Variants in GAD2 observed in about 807,000 individuals in gnomAD.
GAD2 encodes the protein glutamate decarboxylase 2.
GAD2 carries 22 observed loss-of-function variants against 80.1 expected under a neutral mutation model. That is an observed-to-expected ratio of 0.27 (90% confidence interval 0.20 to 0.39). The LOEUF (loss-of-function observed/expected upper bound fraction) is 0.39, where lower values mean the gene tolerates loss of function less well. GAD2 is among the 10% of genes least tolerant of loss of function. The pLI is 1.00. For synonymous variants in GAD2, 274 were observed against 256.9 expected (o/e 1.07, Z -0.64); for missense variants, 624 against 738.4 (o/e 0.85, Z 1.80).
chr10:26,258,055 T>C (rs1844964754), intron 8 of GAD2, among the ~76,000 whole-genome samples: 1 of 152,226 alleles, frequency 6.6e-6, no homozygotes, highest in Non-Finnish European at 1.5e-5. Flanking sequence ...CATTCTGCCC[T>C]ATCTCAGGAA....
intron 9 of GAD2, 52 bp downstream of exon 9, chr10:26,269,225 CG>C (rs761214237): frequency 1.4e-6 from 2 of 1,428,864 alleles, no homozygotes; most frequent in Non-Finnish European, 1.9e-6. Context: ...TTCCATCCAC[CG>C]GAGAACAAAA....
At chr10:26,283,608 A>G (rs944468919) in intron 12 of GAD2, among the ~76,000 whole-genome samples, 4 of 152,220 alleles carry the variant, frequency 2.6e-5, no homozygotes, top group African/African-American at 9.6e-5. Flanking sequence ...CCTCTAGTTA[A>G]ACCACACCTG....
At chr10:26,219,424 A>G (rs1341721355) in intron 4 of GAD2, 148 bp downstream of exon 4, 5 of 584,816 alleles carry the variant, frequency 8.5e-6, no homozygotes, top group Non-Finnish European at 1.2e-5. Context: ...TCATTATTAG[A>G]ATGATTCTAA....
chr10:26,270,603 C>CT (rs1412904048), intron 9 of GAD2, 37 bp from the exon 10 acceptor site: 9 of 1,421,690 alleles, frequency 6.3e-6, no homozygotes, highest in Non-Finnish European at 8.0e-6. Flanking sequence ...ACCCTTGACT[C>CT]TGTTTTCCAT....
At chr10:26,228,000 A>G (rs1844551302) in intron 6 of GAD2, among the ~76,000 whole-genome samples, 1 of 152,206 alleles carries the variant, frequency 6.6e-6, no homozygotes, top group Non-Finnish European at 1.5e-5. Context: ...AGGGCTCAAG[A>G]GACAAAGGTC....
intron 8 of GAD2, among the ~76,000 whole-genome samples, chr10:26,257,590 T>G (rs184118015): frequency 6.6e-6 from 1 of 151,938 alleles, no homozygotes; most frequent in African/African-American, 2.4e-5. Context: ...CTAGCTCCCA[T>G]GTAACACAAG....
intron 15 of GAD2, among the ~76,000 whole-genome samples, chr10:26,296,578 G>A (rs1303987937): frequency 2.6e-5 from 4 of 152,206 alleles, no homozygotes; most frequent in African/African-American, 9.6e-5. Flanking sequence ...GGGGCACTAT[G>A]AGGATGTGAC....
Position 26,217,244 on chromosome 10 carries a change from G to A in GAD2, c.76+359G>A, listed in dbSNP as rs927183183. Among the ~76,000 whole-genome samples the A allele has an allele frequency of 9.2e-5, 14 of 152,120 alleles. 1 individual carries two copies. The highest frequency in any genetic ancestry group is 3.9e-4 in the Admixed American group (6 of 15,272). On this transcript the variant is annotated intron_variant, in intron 1 of 15. Coordinates refer to ENST00000376261, the MANE Select transcript of GAD2 (RefSeq NM_001134366.2). The surrounding 1 kb of genome is among the most constrained non-coding windows in gnomAD (Gnocchi z 4.9). ...CCGTGAAGATAGAAAAAAAAAATGGGAAAGGTGAGAGATTTCTTTATCTAG... is the reference window on the plus strand; with the variant it reads ...CCGTGAAGATAGAAAAAAAAAATGGAAAAGGTGAGAGATTTCTTTATCTAG...
intron 14 of GAD2, 144 bp from the exon 15 acceptor site, chr10:26,292,757 CA>C: frequency 2.3e-6 from 2 of 867,742 alleles, no homozygotes; most frequent in Non-Finnish European, 3.8e-6. Flanking sequence ...ATAACGTTGT[CA>C]AAATCATGCC....
rs1844575788 is a variant in GAD2 at position 26,229,777 on chromosome 10, T to C, written c.840T>C (p.His280=). 2 of 1,603,236 alleles carry C rather than the reference T, an allele frequency of 1.2e-6. No individual in the cohort carries two copies. The highest frequency in any genetic ancestry group is 2.2e-5 in the South Asian group (2 of 90,658). The change falls in exon 7 of 16, where the codon CAT becomes CAC. Residue 280 remains histidine (H), a splice_region_variant and synonymous_variant. Transcript: ENST00000376261. The part of the protein sequence containing the change: ...LPRLIAFTSE[H]SHFSLKKGAA... Reference sequence around the variant, plus strand: ...GGCTCATTGCCTTCACGTCTGAACATGTATGTGTTTCTTTTCCTTGCAAGT... The same window carrying C: ...GGCTCATTGCCTTCACGTCTGAACACGTATGTGTTTCTTTTCCTTGCAAGT...
intron 4 of GAD2, 100 bp from the exon 5 acceptor site, chr10:26,223,787 G>A: frequency 5.5e-6 from 4 of 731,774 alleles, no homozygotes; most frequent in Non-Finnish European, 9.5e-6. Flanking sequence ...TCCTGTTACT[G>A]ACAGATCTTT....
At chr10:26,253,408 A>G (rs1844904386) in intron 8 of GAD2, among the ~76,000 whole-genome samples, 1 of 152,218 alleles carries the variant, frequency 6.6e-6, no homozygotes. Context: ...TAGATTCATG[A>G]TGTGTAGCTG....
chr10:26,223,659 C>A (rs142609265), intron 4 of GAD2, among the ~76,000 whole-genome samples: 3 of 151,104 alleles, frequency 2.0e-5, no homozygotes, highest in Non-Finnish European at 4.4e-5. Context: ...CTAAAGTAGT[C>A]TTCGTGGTTA....
At chr10:26,235,717 CA>C (rs1368735618) in intron 7 of GAD2, among the ~76,000 whole-genome samples, 1 of 152,078 alleles carries the variant, frequency 6.6e-6, no homozygotes, top group African/African-American at 2.4e-5. Flanking sequence ...AAAGGCTTGG[CA>C]AAAATTAACT....
At chr10:26,255,014 C>G (rs1221420463) in intron 8 of GAD2, among the ~76,000 whole-genome samples, 1 of 152,136 alleles carries the variant, frequency 6.6e-6, no homozygotes. Flanking sequence ...TATGAGACAC[C>G]GAAGTGAGAG....
intron 7 of GAD2, among the ~76,000 whole-genome samples, chr10:26,243,591 T>C (rs1844769712): frequency 6.6e-6 from 1 of 152,168 alleles, no homozygotes; most frequent in African/African-American, 2.4e-5. Flanking sequence ...AGACACACAG[T>C]CCTACCCGGA....
chr10:26,303,458 G>GGAAGGGAC lies in GAD2; in HGVS notation c.*2498_*2499insAAGGGACG. 7.2e-6 allele frequency: 1 copy of GGAAGGGAC among 139,700 alleles called. No homozygotes were observed. The highest frequency in any genetic ancestry group is 2.7e-5 in the African/African-American group (1 of 37,660). The allele number at this position is 139,700 out of a possible 1,614,324, so 8.7% of individuals were successfully genotyped here. A position where few individuals can be genotyped will look rare whatever the true frequency, so the allele number is the denominator to read the frequency against. On this transcript the variant is annotated 3_prime_UTR_variant, in exon 16 of 16. Coordinates refer to ENST00000376261, the MANE Select transcript of GAD2 (RefSeq NM_001134366.2). ...AGTAAGGGAGGAAGGGAGGGAGGGA[G>GGAAGGGAC]GGAGGGAGGGAAGGAGGGAGGGAGG...
chr10:26,275,993 G>A (rs57729809), intron 11 of GAD2, among the ~76,000 whole-genome samples: 2 of 151,884 alleles, frequency 1.3e-5, no homozygotes, highest in African/African-American at 4.8e-5. Context: ...TCTACAAAAA[G>A]AATTTGTTTT....
At chr10:26,245,476 C>T (rs1321030908) in intron 7 of GAD2, among the ~76,000 whole-genome samples, 19 of 149,950 alleles carry the variant, frequency 1.3e-4, no homozygotes, top group African/African-American at 3.5e-4. Flanking sequence ...TCACTCTTGT[C>T]TCCCAAGTTG....
Sources: allele counts gnomAD v4.1 joint callset (sites outside exome capture counted in the v4.1 genomes callset), GRCh38; gene constraint gnomAD v4.1.1; non-coding constraint Gnocchi (gnomAD v3.1); transcripts MANE v1.5; gene names NCBI Gene and HGNC (gene_info 2026-07-23, HGNC 2026-07-21).